ANKRD16: variants seen among roughly 807,000 people sequenced by gnomAD.
ANKRD16 encodes the protein ankyrin repeat domain-containing protein 16.
In ANKRD16, 35 loss-of-function variants were observed where a neutral mutation model predicts 37.9. The ratio of observed to expected loss-of-function variants is 0.92; its 90% CI spans 0.71 to 1.23. The LOEUF is 1.23. Ranked by LOEUF, ANKRD16 falls within the 50% of genes most tolerant of loss-of-function variation. The pLI is 0.00. For missense variants in ANKRD16, 480 were observed against 469.9 expected (o/e 1.02, Z -0.20); for synonymous variants, 206 against 197.2 (o/e 1.04, Z -0.37).
chr10:5,872,337 G>A (rs532914689), intron 7 of ANKRD16, among the ~76,000 whole-genome samples: 2 of 151,894 alleles, frequency 1.3e-5, no homozygotes, highest in South Asian at 2.1e-4. Context: ...AAATTAGCCA[G>A]GCATGGTGGA....
chr10:5,887,709 AGAT>A, intron 2 of ANKRD16, 135 bp downstream of exon 2: 1 of 2,750 alleles, frequency 3.6e-4, no homozygotes, highest in Non-Finnish European at 7.0e-4. Context: ...CCTCCCCCCC[AGAT>A]GTTCTTATTC....
chr10:5,883,219 A>C, intron 4 of ANKRD16, 52 bp from the exon 5 acceptor site: 1 of 1,576,654 alleles, frequency 6.3e-7, no homozygotes, highest in Non-Finnish European at 8.6e-7. Context: ...GAAACAGGGC[A>C]ACTTAGATCT....
chr10:5,883,260 G>A (rs1202432506), intron 4 of ANKRD16, 93 bp from the exon 5 acceptor site: 2 of 1,304,366 alleles, frequency 1.5e-6, no homozygotes, highest in Non-Finnish European at 2.1e-6. Context: ...GCAAAACTGA[G>A]CTGTTTACGC....
chr10:5,888,912 G>A, intron 1 of ANKRD16, 129 bp downstream of exon 1: 1 of 1,031,534 alleles, frequency 9.7e-7, no homozygotes, highest in Non-Finnish European at 1.3e-6. Flanking sequence ...CCCTGCCGCT[G>A]AGCAGGCCTG....
At chr10:5,872,638 G>T (rs1342749847) in intron 7 of ANKRD16, among the ~76,000 whole-genome samples, 1 of 143,368 alleles carries the variant, frequency 7.0e-6, no homozygotes, top group Non-Finnish European at 1.5e-5. Context: ...CTCACTGCAA[G>T]CTCCACCTCC....
At chr10:5,873,074 G>A (rs1265176777) in intron 7 of ANKRD16, among the ~76,000 whole-genome samples, 1 of 145,664 alleles carries the variant, frequency 6.9e-6, no homozygotes, top group African/African-American at 2.6e-5. Context: ...CTGTCGCCCA[G>A]GCTGGAGTGC....
intron 7 of ANKRD16, among the ~76,000 whole-genome samples, chr10:5,872,306 C>T (rs1489899766): frequency 6.6e-6 from 1 of 151,958 alleles, no homozygotes; most frequent in Non-Finnish European, 1.5e-5. Context: ...TGGTGAAACC[C>T]TGTCTCTACT....
chr10:5,884,152 C>T lies in ANKRD16; in HGVS notation c.579-75G>A, dbSNP rs977628217. 4 of 1,110,252 alleles carry T rather than the reference C, an allele frequency of 3.6e-6. No homozygotes were observed. The African/African-American group carries it at 6.1e-5, about 17-fold the overall frequency. The allele number at this position is 1,110,252 out of a possible 1,614,324, so 68.8% of individuals were successfully genotyped here. A position where few individuals can be genotyped will look rare whatever the true frequency, so the allele number is the denominator to read the frequency against. ...CCAGGGGACAGTTGACACCTGATCA[C>T]CTGCAGGTGAACTGCGTGTGTGCAA... On this transcript the variant is annotated intron_variant, in intron 3 of 7. Transcript: ENST00000380094.
At chr10:5,885,338 G>A (rs1203958051) in intron 3 of ANKRD16, among the ~76,000 whole-genome samples, 2 of 151,926 alleles carry the variant, frequency 1.3e-5, no homozygotes, top group Admixed American at 6.6e-5. Context: ...CCGCCACCAC[G>A]CCCGGCTAAT....
Position 5,878,864 on chromosome 10 carries a change from C to T in ANKRD16, c.929-577G>A, listed in dbSNP as rs1203596263. Among the ~76,000 whole-genome samples, 4 of 152,114 alleles carry T rather than the reference C, an allele frequency of 2.6e-5. No individual in the cohort carries two copies. The highest frequency in any genetic ancestry group is 2.1e-4 in the South Asian group (1 of 4,832). ...AAGTTAACAAGATATAGGATACATC[C>T]TCTTCATACGCCTGAATGCTCTGGA... On this transcript the variant is annotated intron_variant, in intron 6 of 7. Coordinates refer to ENST00000380094, the MANE Select transcript of ANKRD16 (RefSeq NM_019046.3). This position sits in a 1 kb window ranked among gnomAD's most constrained non-coding sequence, Gnocchi z 5.1.
Position 5,865,062 on chromosome 10 carries a change from G to A in ANKRD16, c.*34-2371C>T, listed in dbSNP as rs1402668334. Among the ~76,000 whole-genome samples, 3 of 152,126 alleles carry A rather than the reference G, an allele frequency of 2.0e-5. No homozygotes were observed. The highest frequency in any genetic ancestry group is 4.4e-5 in the Non-Finnish European group (3 of 68,020). ...GGCAACCTCTGTGTTCTATGATAAG[G>A]ACCAAGAGGAACAGGCTGAAAAGGA... On this transcript the variant is annotated intron_variant, in intron 7 of 7. Coordinates refer to ENST00000380094, the MANE Select transcript of ANKRD16 (RefSeq NM_019046.3). This position sits in a 1 kb window ranked among gnomAD's most constrained non-coding sequence, Gnocchi z 4.7.
intron 5 of ANKRD16, chr10:5,882,787 G>C (rs1842338146): frequency 2.3e-6 from 1 of 443,954 alleles, no homozygotes; most frequent in Non-Finnish European, 3.9e-6. Flanking sequence ...ACTTTATGGA[G>C]TAAAAGGCTT....
chr10:5,881,438 T>TTATATATATATATATA lies in ANKRD16; in HGVS notation c.850-1078_850-1063dup, dbSNP rs869185709. ...ATATTTTATAAAATAAAAATATTAT[T>TTATATATATATATATA]TATATATATATATATATATATATAT... On this transcript the variant is annotated intron_variant, in intron 5 of 7. Coordinates refer to ENST00000380094, the MANE Select transcript of ANKRD16 (RefSeq NM_019046.3). Among the ~76,000 whole-genome samples, 30 of 50,922 alleles carry TTATATATATATATATA rather than the reference T, an allele frequency of 5.9e-4. 1 individual carries two copies. The highest frequency in any genetic ancestry group is 1.7e-3 in the East Asian group (3 of 1,722). The allele number at this position is 50,922 out of a possible 152,430, so 33.4% of individuals were successfully genotyped here.
chr10:5,879,799 T>TAAC (rs59840369), intron 6 of ANKRD16, among the ~76,000 whole-genome samples: 126,552 of 151,854 alleles, frequency 0.83, 53,032 homozygotes, highest in Admixed American at 0.88. Flanking sequence ...ACTGTTATAA[T>TAAC]AACAATTATA....
At chr10:5,876,701 G>A (rs1303310432) in intron 7 of ANKRD16, among the ~76,000 whole-genome samples, 1 of 152,220 alleles carries the variant, frequency 6.6e-6, no homozygotes, top group Admixed American at 6.5e-5. Flanking sequence ...TTCTTGCTCT[G>A]TGCCAAACCG....
chr10:5,872,658 G>T (rs560870391), intron 7 of ANKRD16, among the ~76,000 whole-genome samples: 10 of 151,336 alleles, frequency 6.6e-5, no homozygotes, highest in South Asian at 6.3e-4. Flanking sequence ...CTGGATTCAC[G>T]CCATACTCCT....
intron 7 of ANKRD16, among the ~76,000 whole-genome samples, chr10:5,876,234 C>T (rs958955599): frequency 3.9e-5 from 6 of 152,188 alleles, no homozygotes; most frequent in African/African-American, 1.4e-4. Context: ...TTAGTAGTTT[C>T]AGCAGTGGCA....
chr10:5,872,878 T>G (rs1358323983), intron 7 of ANKRD16, among the ~76,000 whole-genome samples: 1 of 151,376 alleles, frequency 6.6e-6, no homozygotes, highest in African/African-American at 2.4e-5. Flanking sequence ...TTTTATTTCT[T>G]GAGAGGGAGT....
In ANKRD16 at chr10:5,864,876, C is replaced by T. The variant is rs1280788565; in HGVS notation, c.*34-2185G>A. Among the ~76,000 whole-genome samples, 2 of 152,158 alleles carry T rather than the reference C, an allele frequency of 1.3e-5. No homozygotes were observed. The highest frequency in any genetic ancestry group is 4.8e-5 in the African/African-American group (2 of 41,430). ...TCCTTCTGCCTTCCTCGAGCGGCTA[C>T]GGGAGGCCTTAAGAAAATATACTCC... On this transcript the variant is annotated intron_variant, in intron 7 of 7. Coordinates refer to ENST00000380094, the MANE Select transcript of ANKRD16 (RefSeq NM_019046.3). The surrounding 1 kb of genome is among the most constrained non-coding windows in gnomAD (Gnocchi z 4.4).
Sources: allele counts gnomAD v4.1 joint callset (sites outside exome capture counted in the v4.1 genomes callset), GRCh38; gene constraint gnomAD v4.1.1; non-coding constraint Gnocchi (gnomAD v3.1); transcripts MANE v1.5; gene names NCBI Gene and HGNC (gene_info 2026-07-23, HGNC 2026-07-21).